DOCK3: variants seen among roughly 807,000 people sequenced by gnomAD.
The protein encoded by DOCK3 is dedicator of cytokinesis protein 3.
A neutral mutation model predicts 265.6 loss-of-function variants in DOCK3; 60 were observed. The observed-to-expected ratio is 0.23, with a 90% CI of 0.18 to 0.28. The LOEUF is 0.28. Ranked by LOEUF, DOCK3 falls within the 10% of genes least tolerant of loss-of-function variation. The pLI is 1.00. For missense variants in DOCK3, 1,981 were observed against 2,594.3 expected, an observed-to-expected ratio of 0.76 and a Z score of 5.14; for synonymous variants, 881 against 938.0, an observed-to-expected ratio of 0.94 and a Z score of 1.11.
At chr3:50,873,151 G>A (rs1283286160) in intron 3 of DOCK3, among the ~76,000 whole-genome samples, 2 of 152,146 alleles carry the variant, frequency 1.3e-5, no homozygotes, top group Non-Finnish European at 2.9e-5. Flanking sequence ...AGTTTCCCCC[G>A]AAGCCAGCAA....
chr3:50,804,949 T>G (rs2043325564), intron 2 of DOCK3, among the ~76,000 whole-genome samples: 1 of 152,250 alleles, frequency 6.6e-6, no homozygotes, highest in Non-Finnish European at 1.5e-5. Context: ...ATCATCTGTC[T>G]TCTCTTGTAT....
intron 5 of DOCK3, among the ~76,000 whole-genome samples, chr3:50,970,889 TTTTATATATA>T (rs1169403907): frequency 0.045 from 1,938 of 42,752 alleles, 298 homozygotes; most frequent in Middle Eastern, 0.067. Flanking sequence ...CTCATCTAAT[TTTTATATATA>T]TATATATATA....
intron 1 of DOCK3, among the ~76,000 whole-genome samples, chr3:50,746,169 G>C: frequency 6.7e-6 from 1 of 150,040 alleles, no homozygotes; most frequent in Non-Finnish European, 1.5e-5. Flanking sequence ...GAGTGCAATG[G>C]TACAATCTCG....
chr3:51,359,312 G>T lies in DOCK3; in HGVS notation c.4885-1199G>T, dbSNP rs760905403. Among the ~76,000 whole-genome samples the T allele has an allele frequency of 6.6e-6, 1 of 152,204 alleles. No homozygotes were observed. Among genetic ancestry groups the T allele is most frequent in the Non-Finnish European group, 1.5e-5 (1 of 68,036 alleles). ...TGTGGACAGCATGAAAAGAGAAAAA[G>T]AAGCTTGTTGTAGTTTGAGAGGTAG... is the stretch of plus-strand genomic sequence containing the variant. On this transcript the variant is annotated intron_variant, in intron 46 of 52. Transcript: ENST00000266037. This position sits in a 1 kb window ranked among gnomAD's most constrained non-coding sequence, Gnocchi z 4.8.
intron 1 of DOCK3, among the ~76,000 whole-genome samples, chr3:50,763,117 A>G (rs570453824): frequency 1.1e-4 from 17 of 152,166 alleles, no homozygotes; most frequent in Non-Finnish European, 1.9e-4. Context: ...TTCAACTTAC[A>G]GTGGGGTTAT....
At chr3:51,064,722 T>C in intron 6 of DOCK3, 126 bp downstream of exon 6, 1 of 1,238,182 alleles carries the variant, frequency 8.1e-7, no homozygotes, top group Non-Finnish European at 1.1e-6. Context: ...TTCACTAAGC[T>C]TTCATCATTT....
chr3:50,691,912 A>G lies in DOCK3; in HGVS notation c.37+16612A>G, dbSNP rs1158423502. Among the ~76,000 whole-genome samples, 6 of 151,980 alleles carry G rather than the reference A, an allele frequency of 3.9e-5. No homozygotes were observed. The South Asian group carries it at 8.3e-4, about 21-fold the overall frequency. On this transcript the variant is annotated intron_variant, in intron 1 of 52. Coordinates refer to ENST00000266037, the MANE Select transcript of DOCK3 (RefSeq NM_004947.5). ...TTGCCCATTTTAAAAGTCAATCTAAAAAGTTTTTTTTTTTTTTTTTTGAGA... is the reference window on the plus strand; with the variant it reads ...TTGCCCATTTTAAAAGTCAATCTAAGAAGTTTTTTTTTTTTTTTTTTGAGA...
Position 51,361,700 on chromosome 3 carries a change from A to G in DOCK3, c.5007-159A>G, listed in dbSNP as rs2086745913. On this transcript the variant is annotated intron_variant, in intron 47 of 52. Coordinates refer to ENST00000266037, the MANE Select transcript of DOCK3 (RefSeq NM_004947.5). The surrounding 1 kb of genome is among the most constrained non-coding windows in gnomAD (Gnocchi z 4.2). ...CCTGAGTAGCAGGGTACAGCTCAGG[A>G]CTGCTCCAGGCCTCAGATGGGTATG... Among the ~76,000 whole-genome samples, 1 of 152,124 alleles carries G rather than the reference A, an allele frequency of 6.6e-6. No individual in the cohort carries two copies. Among genetic ancestry groups the G allele is most frequent in the Non-Finnish European group, 1.5e-5 (1 of 68,012 alleles).
intron 3 of DOCK3, among the ~76,000 whole-genome samples, chr3:50,855,917 A>T (rs112598890): frequency 6.6e-6 from 1 of 152,160 alleles, no homozygotes; most frequent in East Asian, 1.9e-4. Flanking sequence ...GCTCCCACTT[A>T]TAAGTGAGAA....
At chr3:50,821,164 G>A (rs1248667561) in intron 2 of DOCK3, among the ~76,000 whole-genome samples, 1 of 118,194 alleles carries the variant, frequency 8.5e-6, no homozygotes, top group African/African-American at 3.4e-5. Flanking sequence ...TTTTTGCTGT[G>A]CAGAAGAAGC....
chr3:50,754,886 T>C (rs1299238020), intron 1 of DOCK3, among the ~76,000 whole-genome samples: 1 of 152,176 alleles, frequency 6.6e-6, no homozygotes, highest in African/African-American at 2.4e-5. Context: ...ACATGGGAAA[T>C]GTGTAAAGCA....
chr3:50,691,241 A>G (rs1417316877), intron 1 of DOCK3, among the ~76,000 whole-genome samples: 1 of 151,064 alleles, frequency 6.6e-6, no homozygotes, highest in Non-Finnish European at 1.5e-5. Flanking sequence ...CCGAGATCGC[A>G]TCACTGCACT....
At chr3:51,287,675 T>C (rs1025008297) in intron 27 of DOCK3, among the ~76,000 whole-genome samples, 6 of 152,356 alleles carry the variant, frequency 3.9e-5, no homozygotes, top group Admixed American at 3.3e-4. Context: ...GGAACACTTA[T>C]ACACTGCTAA....
In DOCK3 at chr3:50,894,630, T is replaced by G. The variant is rs970965879; in HGVS notation, c.218+4549T>G. 4.6e-5 allele frequency among the ~76,000 whole-genome samples: 7 copies of G among 152,120 alleles called. 1 individual carries two copies. Among genetic ancestry groups the G allele is most frequent in the African/African-American group, 1.7e-4 (7 of 41,446 alleles). On this transcript the variant is annotated intron_variant, in intron 4 of 52. Coordinates refer to ENST00000266037, the MANE Select transcript of DOCK3 (RefSeq NM_004947.5). ...TTTAGTATAAGAGTTAAAAGACAAG[T>G]ATTAAGAATAACTATAACTACAAAA...
chr3:50,703,585 A>G (rs1264484435), intron 1 of DOCK3, among the ~76,000 whole-genome samples: 1 of 149,822 alleles, frequency 6.7e-6, no homozygotes, highest in Non-Finnish European at 1.5e-5. Flanking sequence ...GAATTTAGAT[A>G]TTTTCGTTAG....
chr3:50,877,337 ACTT>A, intron 3 of DOCK3: 2 of 419,200 alleles, frequency 4.8e-6, no homozygotes, highest in Non-Finnish European at 9.5e-6. Flanking sequence ...CCTCAGTTGA[ACTT>A]CTTTCAGCAT....
At chr3:51,072,242 A>T (rs1010250485) in intron 6 of DOCK3, among the ~76,000 whole-genome samples, 8 of 152,276 alleles carry the variant, frequency 5.3e-5, no homozygotes, top group African/African-American at 1.9e-4. Flanking sequence ...CTGACTGTAC[A>T]AGCAAGCTGA....
At chr3:51,276,857 C>T (rs928072066) in intron 25 of DOCK3, among the ~76,000 whole-genome samples, 1 of 152,132 alleles carries the variant, frequency 6.6e-6, no homozygotes, top group Non-Finnish European at 1.5e-5. Context: ...TAATTAAAAT[C>T]ATGCTACAGA....
chr3:51,217,135 C>G (rs1464254937), intron 14 of DOCK3, among the ~76,000 whole-genome samples: 1 of 137,720 alleles, frequency 7.3e-6, no homozygotes, highest in African/African-American at 2.8e-5. Flanking sequence ...CAGAAACTAT[C>G]AAACACTCAT....
Sources: allele counts gnomAD v4.1 joint callset (sites outside exome capture counted in the v4.1 genomes callset), GRCh38; gene constraint gnomAD v4.1.1; non-coding constraint Gnocchi (gnomAD v3.1); transcripts MANE v1.5; gene names NCBI Gene and HGNC (gene_info 2026-07-23, HGNC 2026-07-21).